RERG: variants seen among roughly 807,000 people sequenced by gnomAD.
RERG encodes ras-related and estrogen-regulated growth inhibitor.
Under a neutral mutation model 23.2 loss-of-function variants are expected in RERG, and 25 were observed. The ratio of observed to expected loss-of-function variants is 1.08; its 90% CI spans 0.79 to 1.50. RERG has a LOEUF of 1.50. RERG is among the 40% of genes most tolerant of loss of function. The pLI, the probability that RERG is intolerant of heterozygous loss-of-function variation, is 0.00. For missense variants in RERG, 253 were observed against 250.1 expected (o/e 1.01, Z -0.08); for synonymous variants, 81 against 89.1 (o/e 0.91, Z 0.51).
chr12:15,121,733 C>A (rs1023468386), intron 2 of RERG, among the ~76,000 whole-genome samples: 1 of 151,780 alleles, frequency 6.6e-6, no homozygotes, highest in African/African-American at 2.4e-5. Context: ...GAGGCAGGTA[C>A]GATGTTAATT....
chr12:15,176,436 T>C (rs926668824), intron 2 of RERG, among the ~76,000 whole-genome samples: 1 of 152,136 alleles, frequency 6.6e-6, no homozygotes, highest in Admixed American at 6.6e-5. Flanking sequence ...TTTTTTAACA[T>C]GTGGTACCCA....
intron 2 of RERG, among the ~76,000 whole-genome samples, chr12:15,143,408 T>A (rs1359968270): frequency 6.6e-6 from 1 of 152,118 alleles, no homozygotes; most frequent in Non-Finnish European, 1.5e-5. Flanking sequence ...ATATATTATA[T>A]AAACACACAT....
intron 3 of RERG, among the ~76,000 whole-genome samples, chr12:15,117,372 A>T (rs554909060): frequency 2.6e-5 from 4 of 152,278 alleles, no homozygotes; most frequent in African/African-American, 9.6e-5. Flanking sequence ...CCAATATTAA[A>T]TAATTAAATA....
chr12:15,188,314 G>A (rs1425769780), intron 2 of RERG, among the ~76,000 whole-genome samples: 3 of 152,148 alleles, frequency 2.0e-5, no homozygotes, highest in Admixed American at 2.0e-4. Flanking sequence ...AAGACAGAAC[G>A]CTCTGTCCAG....
intron 2 of RERG, among the ~76,000 whole-genome samples, chr12:15,145,003 A>T (rs1023310001): frequency 6.6e-6 from 1 of 152,056 alleles, no homozygotes; most frequent in African/African-American, 2.4e-5. Context: ...TCTTTTTTCC[A>T]TTCCTTCTCT....
In RERG at chr12:15,221,228, T is replaced by G. The variant is rs1865508491; in HGVS notation, c.-148A>C. 1.3e-5 allele frequency: 2 copies of G among 152,276 alleles called. No individual in the cohort carries two copies. Among genetic ancestry groups the G allele is most frequent in the East Asian group, 3.9e-4 (2 of 5,154 alleles). The allele number at this position is 152,276 out of a possible 1,614,324, so 9.4% of individuals were successfully genotyped here. ...ACTCTCCAGGCCAGGAGAGCTACGG[T>G]CCTCTGCAAGTTCGGAATGGGTCCC... On this transcript the variant is annotated 5_prime_UTR_variant, in exon 1 of 5. Coordinates refer to ENST00000256953, the MANE Select transcript of RERG (RefSeq NM_032918.3).
Position 15,212,042 on chromosome 12 carries a change from C to CTTTT in RERG, c.61+5383_61+5386dup, listed in dbSNP as rs772353150. Among the ~76,000 whole-genome samples, 36 of 64,714 alleles carry CTTTT rather than the reference C, an allele frequency of 5.6e-4. 4 individuals are homozygous for CTTTT. Among genetic ancestry groups the CTTTT allele is most frequent in the African/African-American group, 1.3e-3 (22 of 17,332 alleles). The allele number at this position is 64,714 out of a possible 152,430, so 42.5% of individuals were successfully genotyped here. ...ATGTGATATTAGAGCCACGAATAAA[C>CTTTT]TTTTTTTTTTTTTTTTTTTTTTTTT... is the stretch of plus-strand genomic sequence containing the variant. On this transcript the variant is annotated intron_variant, in intron 2 of 4. Coordinates refer to ENST00000256953, the MANE Select transcript of RERG (RefSeq NM_032918.3).
intron 2 of RERG, among the ~76,000 whole-genome samples, chr12:15,189,018 G>A (rs1182194446): frequency 1.3e-5 from 2 of 152,156 alleles, no homozygotes; most frequent in African/African-American, 4.8e-5. Flanking sequence ...ACGATGTTGT[G>A]TAGTGATGGT....
At position 15,161,202 on chromosome 12, in the gene RERG, GAAAGAAAGAAAGAAAGAAAGAAAGAAAC is replaced by G. The variant is rs1242239986; in HGVS notation, c.62-40111_62-40084del. On this transcript the variant is annotated intron_variant, in intron 2 of 4. Coordinates refer to ENST00000256953, the MANE Select transcript of RERG (RefSeq NM_032918.3). ...AGAAAGAAAGAAAGAAAGAAAGAAA[GAAAGAAAGAAAGAAAGAAAGAAAGAAAC>G]AGGGGCATCACTTAGTGTTTTGCTC... 4.6e-3 allele frequency among the ~76,000 whole-genome samples: 679 copies of G among 146,208 alleles called. 7 individuals are homozygous for G. Among genetic ancestry groups the G allele is most frequent in the South Asian group, 7.3e-3 (33 of 4,542 alleles).
chr12:15,145,080 TCA>T (rs1271419408), intron 2 of RERG, among the ~76,000 whole-genome samples: 1 of 152,158 alleles, frequency 6.6e-6, no homozygotes, highest in Non-Finnish European at 1.5e-5. Context: ...CAAAGAGAAA[TCA>T]CAGATAGCCA....
chr12:15,150,891 C>A (rs1208020108), intron 2 of RERG, among the ~76,000 whole-genome samples: 1 of 152,176 alleles, frequency 6.6e-6, no homozygotes, highest in Non-Finnish European at 1.5e-5. Flanking sequence ...TAGGGTTAGG[C>A]TTTGAAATTC....
chr12:15,180,614 A>G (rs1176382520), intron 2 of RERG, among the ~76,000 whole-genome samples: 1 of 152,216 alleles, frequency 6.6e-6, no homozygotes, highest in African/African-American at 2.4e-5. Flanking sequence ...CTGGAGGCAC[A>G]GACTTTGAGA....
intron 2 of RERG, chr12:15,151,885 A>T (rs1253105542): frequency 2.0e-5 from 3 of 152,222 alleles, no homozygotes; most frequent in Non-Finnish European, 2.9e-5. Flanking sequence ...TATGACTTCT[A>T]AAACTGCTGC....
chr12:15,202,691 T>G (rs1408164645), intron 2 of RERG, among the ~76,000 whole-genome samples: 1 of 151,718 alleles, frequency 6.6e-6, no homozygotes, highest in Non-Finnish European at 1.5e-5. Flanking sequence ...TTTATTCATT[T>G]GTAGGTCAGT....
At chr12:15,199,523 A>G (rs1351916967) in intron 2 of RERG, among the ~76,000 whole-genome samples, 3 of 152,110 alleles carry the variant, frequency 2.0e-5, no homozygotes, top group Non-Finnish European at 4.4e-5. Flanking sequence ...TTTACCACAT[A>G]TGGAGGAAAA....
At chr12:15,173,401 A>G (rs1471937959) in intron 2 of RERG, among the ~76,000 whole-genome samples, 1 of 152,002 alleles carries the variant, frequency 6.6e-6, no homozygotes, top group Non-Finnish European at 1.5e-5. Flanking sequence ...ATCAGGAAAT[A>G]TGAGTGTCCA....
intron 2 of RERG, among the ~76,000 whole-genome samples, chr12:15,150,769 A>G (rs1227292473): frequency 2.0e-5 from 3 of 152,166 alleles, no homozygotes; most frequent in Non-Finnish European, 4.4e-5. Flanking sequence ...AGGACCTGTT[A>G]AACAACAGTT....
chr12:15,123,018 C>G (rs1863864463), intron 2 of RERG, among the ~76,000 whole-genome samples: 1 of 152,032 alleles, frequency 6.6e-6, no homozygotes, highest in African/African-American at 2.4e-5. Flanking sequence ...AGGGTGGTCT[C>G]AATCTCCTGA....
intron 2 of RERG, among the ~76,000 whole-genome samples, chr12:15,200,162 T>G (rs1865196897): frequency 6.6e-6 from 1 of 152,124 alleles, no homozygotes. Flanking sequence ...TAATTAAAGA[T>G]AATTTTTAAA....
Sources: gnomAD v4.1 joint callset for allele counts (sites outside exome capture counted in the v4.1 genomes callset) on GRCh38, gnomAD v4.1.1 for gene constraint, MANE v1.5 for transcripts, NCBI Gene and HGNC (gene_info 2026-07-23, HGNC 2026-07-21) for gene names.